VAV2: variants seen among roughly 807,000 people sequenced by gnomAD.
VAV2 encodes the protein guanine nucleotide exchange factor VAV2.
In VAV2, 67 loss-of-function variants were observed where a neutral mutation model predicts 132.5. That is an observed-to-expected ratio of 0.51 (90% CI 0.42 to 0.62). VAV2 has a LOEUF of 0.62. VAV2 is among the 20% of genes least tolerant of loss of function. VAV2 has a pLI of 0.00. For missense variants in VAV2, 938 were observed against 1,153.6 expected (o/e 0.81, Z 2.71); for synonymous variants, 492 against 443.5 (o/e 1.11, Z -1.37).
At chr9:133,778,539 C>A (rs535892026) in intron 22 of VAV2, among the ~76,000 whole-genome samples, 1 of 152,338 alleles carries the variant, frequency 6.6e-6, no homozygotes, top group Non-Finnish European at 1.5e-5. Flanking sequence ...AAAGCAAACA[C>A]CCGGGGAGCC....
At chr9:133,836,319 G>A (rs987785916) in intron 3 of VAV2, among the ~76,000 whole-genome samples, 13 of 152,176 alleles carry the variant, frequency 8.5e-5, no homozygotes, top group African/African-American at 3.1e-4. Flanking sequence ...ATGGAGGCTT[G>A]AAACCCCGCT....
chr9:133,969,008 C>T lies in VAV2; in HGVS notation c.204+23067G>A, dbSNP rs1317809507. On this transcript the variant is annotated intron_variant, in intron 1 of 29. Coordinates refer to ENST00000371850, the MANE Select transcript of VAV2 (RefSeq NM_001134398.2). This position sits in a 1 kb window ranked among gnomAD's most constrained non-coding sequence, Gnocchi z 5.1. ...CTTTTCTAAGAAAAACCACTCTTTCCACAGGCAAAAACCACTTAAAAATAA... is the reference window on the plus strand; with the variant it reads ...CTTTTCTAAGAAAAACCACTCTTTCTACAGGCAAAAACCACTTAAAAATAA... Among the ~76,000 whole-genome samples the T allele has an allele frequency of 2.6e-5, 4 of 152,164 alleles. No homozygotes were observed. The highest frequency in any genetic ancestry group is 4.8e-5 in the African/African-American group (2 of 41,434).
chr9:133,987,116 G>C (rs1346211609), intron 1 of VAV2, among the ~76,000 whole-genome samples: 1 of 152,148 alleles, frequency 6.6e-6, no homozygotes, highest in African/African-American at 2.4e-5. Flanking sequence ...CCGTGGCCCT[G>C]CCTTGGAGGG....
At chr9:133,892,796 T>C (rs1347174102) in intron 2 of VAV2, among the ~76,000 whole-genome samples, 2 of 152,038 alleles carry the variant, frequency 1.3e-5, no homozygotes, top group African/African-American at 4.8e-5. Context: ...AGGCTTCAGC[T>C]CAGAGGCCAT....
At position 133,857,261 on chromosome 9, in the gene VAV2, G is replaced by A. The variant is rs1466495231; in HGVS notation, c.380+4113C>T. ...CAAGACCCACATCCCCACACGCCTC[G>A]CTGGGTGCCTTCCACAAACCCCTCT... On this transcript the variant is annotated intron_variant, in intron 3 of 29. Coordinates refer to ENST00000371850, the MANE Select transcript of VAV2 (RefSeq NM_001134398.2). This position sits in a 1 kb window ranked among gnomAD's most constrained non-coding sequence, Gnocchi z 4.0. 6.6e-6 allele frequency among the ~76,000 whole-genome samples: 1 copy of A among 152,098 alleles called. No individual in the cohort carries two copies. Among genetic ancestry groups the A allele is most frequent in the Non-Finnish European group, 1.5e-5 (1 of 68,030 alleles).
In VAV2 at chr9:133,827,201, G is replaced by C. The variant is rs934046870; in HGVS notation, c.449+7071C>G. Among the ~76,000 whole-genome samples, 23 of 147,508 alleles carry C rather than the reference G, an allele frequency of 1.6e-4. 1 individual carries two copies. The highest frequency in any genetic ancestry group is 3.6e-3 in the Middle Eastern group (1 of 278). ...TGCGCCCACTGGGGCTGACCACTGA[G>C]CATGGGCATCGCCAGCTACTGCTGT... On this transcript the variant is annotated intron_variant, in intron 4 of 29. Coordinates refer to ENST00000371850, the MANE Select transcript of VAV2 (RefSeq NM_001134398.2).
At chr9:133,895,680 G>C (rs1839171117) in intron 2 of VAV2, among the ~76,000 whole-genome samples, 2 of 151,960 alleles carry the variant, frequency 1.3e-5, no homozygotes, top group Admixed American at 1.3e-4. Flanking sequence ...ATGGGTTGGG[G>C]TTTCTTTTTG....
chr9:133,871,249 T>C (rs1838026022), intron 2 of VAV2, among the ~76,000 whole-genome samples: 1 of 147,412 alleles, frequency 6.8e-6, no homozygotes, highest in African/African-American at 2.5e-5. Flanking sequence ...GATGGATGGA[T>C]GGATGGACAG....
At chr9:133,776,311 T>C (rs576688529) in intron 23 of VAV2, among the ~76,000 whole-genome samples, 2 of 152,328 alleles carry the variant, frequency 1.3e-5, no homozygotes, top group African/African-American at 4.8e-5. Context: ...GATGTCGGCA[T>C]AGCCACCAGC....
At chr9:133,925,616 G>T (rs2492057) in intron 2 of VAV2, among the ~76,000 whole-genome samples, 131,490 of 152,040 alleles carry the variant, frequency 0.86, 57,881 homozygotes, top group East Asian at 0.99. Flanking sequence ...TGCATGTTTC[G>T]CCACTGCCCT....
At chr9:133,846,580 T>C (rs892334702) in intron 3 of VAV2, among the ~76,000 whole-genome samples, 7 of 101,416 alleles carry the variant, frequency 6.9e-5, no homozygotes, top group African/African-American at 1.8e-4. Context: ...CCCCGGCCGC[T>C]CTCTATCCAG....
intron 1 of VAV2, among the ~76,000 whole-genome samples, chr9:133,952,200 G>A (rs1040438460): frequency 5.3e-5 from 8 of 152,146 alleles, no homozygotes; most frequent in Admixed American, 3.9e-4. Context: ...ATAACAGCAA[G>A]TGTAATGGGT....
chr9:133,882,912 C>T (rs1838556366), intron 2 of VAV2, among the ~76,000 whole-genome samples: 1 of 152,164 alleles, frequency 6.6e-6, no homozygotes, highest in Non-Finnish European at 1.5e-5. Flanking sequence ...ACAAGAGGGA[C>T]TCTGCCATGC....
chr9:133,891,603 GA>G (rs1317390143), intron 2 of VAV2, among the ~76,000 whole-genome samples: 1 of 23,100 alleles, frequency 4.3e-5, no homozygotes, highest in African/African-American at 2.3e-4. Context: ...GGAGGGAGGG[GA>G]AAGAAGGAGA....
chr9:133,957,483 C>T (rs1469685605), intron 1 of VAV2, among the ~76,000 whole-genome samples: 3 of 152,042 alleles, frequency 2.0e-5, no homozygotes, highest in African/African-American at 7.3e-5. Context: ...TGGCATATTG[C>T]GTCCTGGTGC....
At position 133,935,516 on chromosome 9, in the gene VAV2, C is replaced by T. The variant is rs1455004163; in HGVS notation, c.321+3587G>A. 6.6e-6 allele frequency among the ~76,000 whole-genome samples: 1 copy of T among 152,192 alleles called. No individual in the cohort carries two copies. Among genetic ancestry groups the T allele is most frequent in the African/African-American group, 2.4e-5 (1 of 41,456 alleles). ...GGGACTGCAACAAATACGCCCCGGCCCAGCAAGAGGTCCCCAGGAGTCTGA... is the reference window on the plus strand; with the variant it reads ...GGGACTGCAACAAATACGCCCCGGCTCAGCAAGAGGTCCCCAGGAGTCTGA... On this transcript the variant is annotated intron_variant, in intron 2 of 29. Coordinates refer to ENST00000371850, the MANE Select transcript of VAV2 (RefSeq NM_001134398.2). This position sits in a 1 kb window ranked among gnomAD's most constrained non-coding sequence, Gnocchi z 5.2.
chr9:133,856,812 TCTC>T (rs1232688291), intron 3 of VAV2, among the ~76,000 whole-genome samples: 10 of 152,262 alleles, frequency 6.6e-5, no homozygotes, highest in Middle Eastern at 3.4e-3. Context: ...TGCCGTCACA[TCTC>T]CTTTTTCTGA....
chr9:133,887,364 G>A (rs562440051), intron 2 of VAV2, among the ~76,000 whole-genome samples: 1 of 152,264 alleles, frequency 6.6e-6, no homozygotes, highest in South Asian at 2.1e-4. Context: ...GGGAGCGCAT[G>A]CCCCAGCAGA....
At position 133,876,498 on chromosome 9, in the gene VAV2, C is replaced by T. The variant is rs185191000; in HGVS notation, c.322-15066G>A. On this transcript the variant is annotated intron_variant, in intron 2 of 29. Transcript: ENST00000371850. Reference sequence around the variant, plus strand: ...GGAGAACGTGCAGGGGCAGAGCCCACGCACAGGCCCGGAGAGCGGCCATGG... The same window carrying T: ...GGAGAACGTGCAGGGGCAGAGCCCATGCACAGGCCCGGAGAGCGGCCATGG... Among the ~76,000 whole-genome samples, 7 of 152,376 alleles carry T rather than the reference C, an allele frequency of 4.6e-5. No individual in the cohort carries two copies. The East Asian group carries it at 1.2e-3, about 25-fold the overall frequency.
Sources: gnomAD v4.1 joint callset for allele counts (sites outside exome capture counted in the v4.1 genomes callset) on GRCh38, gnomAD v4.1.1 for gene constraint, Gnocchi (gnomAD v3.1) non-coding constraint, MANE v1.5 for transcripts, NCBI Gene and HGNC (gene_info 2026-07-23, HGNC 2026-07-21) for gene names.